The following CDH13 variants were observed in gnomAD, a reference collection of about 807,000 sequenced individuals.
The protein encoded by CDH13 is cadherin-13.
A neutral mutation model predicts 63.8 loss-of-function variants in CDH13; 24 were observed. The ratio of observed to expected loss-of-function variants is 0.38; its 90% CI spans 0.27 to 0.53. CDH13 has a LOEUF of 0.53. CDH13 is among the 20% of genes least tolerant of loss of function. The pLI is 0.85. For missense variants in CDH13, 1,049 were observed against 903.1 expected (o/e 1.16, Z -2.07); for synonymous variants, 503 against 355.3 (o/e 1.42, Z -4.67).
chr16:83,543,800 C>G (rs1351343674), intron 7 of CDH13, among the ~76,000 whole-genome samples: 1 of 152,182 alleles, frequency 6.6e-6, no homozygotes, highest in Non-Finnish European at 1.5e-5. Context: ...ACACAGTTCT[C>G]ATCGCTACAG....
chr16:82,782,664 A>G (rs1371155420), intron 1 of CDH13, among the ~76,000 whole-genome samples: 2 of 152,260 alleles, frequency 1.3e-5, no homozygotes, highest in Non-Finnish European at 1.5e-5. Flanking sequence ...TAATTGGCAC[A>G]GACACTTAAT....
chr16:83,136,396 G>A (rs2036286908), intron 4 of CDH13, among the ~76,000 whole-genome samples: 1 of 148,970 alleles, frequency 6.7e-6, no homozygotes, highest in African/African-American at 2.5e-5. Context: ...TGAGGCAGGA[G>A]AATGGCGTGA....
intron 1 of CDH13, among the ~76,000 whole-genome samples, chr16:82,840,977 T>A (rs1280290365): frequency 6.6e-6 from 1 of 152,178 alleles, no homozygotes; most frequent in African/African-American, 2.4e-5. Context: ...TATGAAGACA[T>A]AAGTACAAAC....
At chr16:83,471,191 C>T (rs2073443149) in intron 6 of CDH13, among the ~76,000 whole-genome samples, 1 of 151,690 alleles carries the variant, frequency 6.6e-6, no homozygotes, top group Admixed American at 6.6e-5. Flanking sequence ...TTTCTTTTAC[C>T]CTGTAAGATA....
At chr16:83,637,286 C>G (rs1911350828) in intron 8 of CDH13, among the ~76,000 whole-genome samples, 1 of 134,852 alleles carries the variant, frequency 7.4e-6, no homozygotes, top group South Asian at 2.9e-4. Context: ...AGGAACAGCT[C>G]CGGTCTACAG....
At chr16:82,741,087 C>G (rs1404608739) in intron 1 of CDH13, among the ~76,000 whole-genome samples, 1 of 152,166 alleles carries the variant, frequency 6.6e-6, no homozygotes, top group Non-Finnish European at 1.5e-5. Context: ...ACCCCCAAAC[C>G]CAACAATGAC....
At chr16:83,509,960 C>A (rs1224854644) in intron 7 of CDH13, among the ~76,000 whole-genome samples, 2 of 152,154 alleles carry the variant, frequency 1.3e-5, no homozygotes, top group East Asian at 3.9e-4. Flanking sequence ...GGATTGGGAG[C>A]ATGGTATTGT....
At chr16:82,703,571 T>C (rs1382223359) in intron 1 of CDH13, among the ~76,000 whole-genome samples, 1 of 152,202 alleles carries the variant, frequency 6.6e-6, no homozygotes, top group East Asian at 1.9e-4. Context: ...AATGCTTTAC[T>C]GGCTTTCTTT....
intron 3 of CDH13, among the ~76,000 whole-genome samples, chr16:83,081,571 C>A (rs2033254093): frequency 6.6e-6 from 1 of 152,176 alleles, no homozygotes; most frequent in African/African-American, 2.4e-5. Context: ...ACATTTATTT[C>A]TCCCAGTTCT....
At chr16:83,600,134 C>G (rs1417860073) in intron 7 of CDH13, among the ~76,000 whole-genome samples, 1 of 152,252 alleles carries the variant, frequency 6.6e-6, no homozygotes. Context: ...AATTCTTGAA[C>G]CAGGCAGAAC....
intron 7 of CDH13, among the ~76,000 whole-genome samples, chr16:83,583,545 T>A (rs76507688): frequency 0.011 from 1,751 of 152,336 alleles, 31 homozygotes; most frequent in African/African-American, 0.04. Flanking sequence ...ATAGGGATTA[T>A]CCCATTTTAT....
chr16:82,941,863 T>C (rs1904291598), intron 2 of CDH13, among the ~76,000 whole-genome samples: 1 of 152,194 alleles, frequency 6.6e-6, no homozygotes, highest in Admixed American at 6.5e-5. Context: ...CAGGAAGTTG[T>C]TCTCCAGAAT....
intron 8 of CDH13, among the ~76,000 whole-genome samples, chr16:83,603,599 A>G (rs997731366): frequency 2.0e-5 from 3 of 151,940 alleles, no homozygotes; most frequent in African/African-American, 7.3e-5. Context: ...AATGCTTCCA[A>G]CCTCCAGGGT....
At position 83,025,297 on chromosome 16, in the gene CDH13, T is replaced by G. The variant is rs1915697692; in HGVS notation, c.158-6713T>G. Among the ~76,000 whole-genome samples the G allele has an allele frequency of 3.3e-5, 5 of 152,192 alleles. No individual in the cohort carries two copies. In the South Asian group the frequency reaches 1.0e-3, roughly 31 times the overall value. On this transcript the variant is annotated intron_variant, in intron 2 of 13. Transcript: ENST00000567109. Reference sequence around the variant, plus strand: ...TAGGTGGTATATTAGTCCATTCTCATGCTACTAATAAAGACATACCTGGGA... The same window carrying G: ...TAGGTGGTATATTAGTCCATTCTCAGGCTACTAATAAAGACATACCTGGGA...
chr16:83,482,825 T>A (rs2073802779), intron 6 of CDH13, among the ~76,000 whole-genome samples: 1 of 152,094 alleles, frequency 6.6e-6, no homozygotes, highest in Non-Finnish European at 1.5e-5. Flanking sequence ...ATGGGCAGGG[T>A]GGGAGAAGGG....
At chr16:83,421,842 T>G (rs755894772) in intron 6 of CDH13, among the ~76,000 whole-genome samples, 2 of 152,218 alleles carry the variant, frequency 1.3e-5, no homozygotes, top group Non-Finnish European at 2.9e-5. Flanking sequence ...TTTCCATAAT[T>G]AGTTCTTTTG....
At chr16:83,138,833 G>A (rs7198573) in intron 4 of CDH13, among the ~76,000 whole-genome samples, 30,208 of 151,942 alleles carry the variant, frequency 0.2, 3,380 homozygotes, top group South Asian at 0.25. Context: ...AAGGGCTCCC[G>A]GGCAGGGGAG....
intron 3 of CDH13, among the ~76,000 whole-genome samples, chr16:83,082,432 C>T (rs976021725): frequency 6.6e-6 from 1 of 151,818 alleles, no homozygotes; most frequent in Non-Finnish European, 1.5e-5. Context: ...TGAGACCAGC[C>T]TGGCCAACAT....
chr16:83,628,925 C>T (rs957436253), intron 8 of CDH13, among the ~76,000 whole-genome samples: 2 of 152,154 alleles, frequency 1.3e-5, no homozygotes, highest in African/African-American at 2.4e-5. Flanking sequence ...AGGAAACCTA[C>T]AATCAGGATT....
Sources: allele counts gnomAD v4.1 joint callset (sites outside exome capture counted in the v4.1 genomes callset), GRCh38; gene constraint gnomAD v4.1.1; transcripts MANE v1.5; gene names NCBI Gene and HGNC (gene_info 2026-07-23, HGNC 2026-07-21).